The following QRFPR variants were observed in gnomAD, a reference collection of about 807,000 sequenced individuals.
QRFPR encodes the protein pyroglutamylated RFamide peptide receptor.
In QRFPR, 37 loss-of-function variants were observed where a neutral mutation model predicts 31.3. The observed-to-expected ratio is 1.18, with a 90% CI of 0.91 to 1.56. The LOEUF (loss-of-function observed/expected upper bound fraction) is 1.56, where lower values mean the gene tolerates loss of function less well. QRFPR is among the 40% of genes most tolerant of loss of function. The pLI is 0.00. For synonymous variants in QRFPR, 197 were observed against 192.0 expected (o/e 1.03, Z -0.22); for missense variants, 542 against 532.5 (o/e 1.02, Z -0.18).
intron 1 of QRFPR, among the ~76,000 whole-genome samples, chr4:121,361,111 C>G (rs1181147848): frequency 1.5e-5 from 2 of 133,416 alleles, no homozygotes; most frequent in Non-Finnish European, 3.3e-5. Flanking sequence ...GAAAATCCAG[C>G]CACACGCTAC....
chr4:121,376,190 T>C (rs1726349459), intron 1 of QRFPR, among the ~76,000 whole-genome samples: 1 of 152,140 alleles, frequency 6.6e-6, no homozygotes, highest in South Asian at 2.1e-4. Context: ...CTCATAAACA[T>C]GTGCCATTTA....
rs181393360 is a variant in QRFPR, at chr4:121,367,183, C to A, written c.340+13125G>T. Among the ~76,000 whole-genome samples the A allele has an allele frequency of 4.0e-5, 6 of 149,938 alleles. No individual in the cohort carries two copies. In the East Asian group the frequency reaches 1.2e-3, roughly 30 times the overall value. ...GGTTGAGAAAAGTTGTCTTAAATTA[C>A]GAGACAGAGGCAGGGGACAGTGGGA... is the stretch of plus-strand genomic sequence containing the variant. On this transcript the variant is annotated intron_variant, in intron 1 of 5. Transcript: ENST00000394427.
At chr4:121,377,123 T>G (rs1726369945) in intron 1 of QRFPR, among the ~76,000 whole-genome samples, 1 of 152,204 alleles carries the variant, frequency 6.6e-6, no homozygotes, top group Non-Finnish European at 1.5e-5. Flanking sequence ...TTTACCTGAT[T>G]GCATTTTACT....
intron 1 of QRFPR, among the ~76,000 whole-genome samples, chr4:121,355,380 A>G (rs1040639633): frequency 2.0e-5 from 3 of 152,124 alleles, no homozygotes; most frequent in Non-Finnish European, 4.4e-5. Flanking sequence ...ACAGTCTCTA[A>G]TGATCATCTG....
chr4:121,378,607 T>A (rs771018276), intron 1 of QRFPR, among the ~76,000 whole-genome samples: 2 of 151,994 alleles, frequency 1.3e-5, no homozygotes, highest in African/African-American at 4.8e-5. Flanking sequence ...GTATTTTTAG[T>A]AGAGACGGGG....
intron 1 of QRFPR, among the ~76,000 whole-genome samples, chr4:121,376,543 G>T (rs1181108680): frequency 9.4e-4 from 128 of 136,360 alleles, no homozygotes; most frequent in Middle Eastern, 4.0e-3. Context: ...TTCTGGGTTT[G>T]TTTTTTTTTT....
At position 121,330,513 on chromosome 4, in the gene QRFPR, G is replaced by A. The variant is rs753585755; in HGVS notation, c.808C>T (p.Arg270Ter). 9.3e-6 allele frequency: 15 copies of A among 1,613,122 alleles called. No homozygotes were observed. The highest frequency in any genetic ancestry group is 4.0e-5 in the African/African-American group (3 of 74,882). ...EMSKIARKKK[R>*]AVIMMVTVVA... The stretch of plus-strand genomic sequence containing the variant: ...ACTGTCACCATCATAATGACAGCTC[G>A]TTTCTTCTTCCTAAACCCACAAGGA... Residue 270 changes from arginine (R) to a stop codon, truncating the protein, a stop_gained, in exon 5 of 6, where the codon CGA (arginine) becomes TGA (stop). Transcript: ENST00000394427. LOFTEE classifies it high-confidence loss of function.
At chr4:121,359,155 C>A (rs1030062567) in intron 1 of QRFPR, among the ~76,000 whole-genome samples, 8 of 152,030 alleles carry the variant, frequency 5.3e-5, no homozygotes, top group Non-Finnish European at 1.2e-4. Flanking sequence ...TTGGAAGCAC[C>A]AATATGACCT....
chr4:121,380,210 A>AGAGAGAGAGG (rs1726455057), intron 1 of QRFPR, 98 bp downstream of exon 1: 2 of 434,924 alleles, frequency 4.6e-6, no homozygotes, highest in African/African-American at 6.0e-5. Context: ...AGAGAGAGAG[A>AGAGAGAGAGG]GAGAGAGAGA....
Position 121,330,491 on chromosome 4 carries a change from G to C in QRFPR, c.830C>G (p.Thr277Arg), listed in dbSNP as rs772122934. 6.2e-7 allele frequency: 1 copy of C among 1,613,928 alleles called. No individual in the cohort carries two copies. Among genetic ancestry groups the C allele is most frequent in the Middle Eastern group, 1.6e-4 (1 of 6,062 alleles). Reference sequence around the variant, plus strand: ...GCACACAGCAAAGAGAGCCACCACTGTCACCATCATAATGACAGCTCGTTT... The same window carrying C: ...GCACACAGCAAAGAGAGCCACCACTCTCACCATCATAATGACAGCTCGTTT... ...KKKRAVIMMV[T>R]VVALFAVCWA... The change falls in exon 5 of 6, where the codon ACA becomes AGA. Residue 277 changes from threonine to arginine, a missense_variant. By Grantham distance (71) the Thr-to-Arg change is moderately conservative. Coordinates refer to ENST00000394427, the MANE Select transcript of QRFPR (RefSeq NM_198179.3).
At chr4:121,367,422 A>G (rs1726150683) in intron 1 of QRFPR, among the ~76,000 whole-genome samples, 1 of 150,330 alleles carries the variant, frequency 6.7e-6, no homozygotes, top group African/African-American at 2.5e-5. Flanking sequence ...GATTAGTTTG[A>G]ATCCTCATAG....
At chr4:121,350,288 C>A (rs1725738411) in intron 1 of QRFPR, among the ~76,000 whole-genome samples, 1 of 152,168 alleles carries the variant, frequency 6.6e-6, no homozygotes, top group East Asian at 1.9e-4. Context: ...AAGAGTCAGG[C>A]ACTCACAGTC....
At chr4:121,343,894 T>A (rs998917061) in intron 1 of QRFPR, among the ~76,000 whole-genome samples, 1 of 152,242 alleles carries the variant, frequency 6.6e-6, no homozygotes, top group African/African-American at 2.4e-5. Context: ...GATTCATTGA[T>A]ATCAGTATAC....
chr4:121,337,068 T>C (rs759643394), intron 2 of QRFPR, among the ~76,000 whole-genome samples, 200 bp from the exon 3 acceptor site: 1 of 152,250 alleles, frequency 6.6e-6, no homozygotes, highest in Non-Finnish European at 1.5e-5. Context: ...CTAAAACAAG[T>C]TTTAAACATT....
chr4:121,379,816 G>A (rs1333316744), intron 1 of QRFPR, among the ~76,000 whole-genome samples: 1 of 152,200 alleles, frequency 6.6e-6, no homozygotes, highest in Non-Finnish European at 1.5e-5. Flanking sequence ...AAGCAACTGG[G>A]AAGTGAGGCT....
At chr4:121,330,882 A>G (rs1725308518) in intron 4 of QRFPR, among the ~76,000 whole-genome samples, 1 of 152,176 alleles carries the variant, frequency 6.6e-6, no homozygotes, top group Non-Finnish European at 1.5e-5. Context: ...ATGTGAATTT[A>G]GGAAGTCTAA....
intron 3 of QRFPR, 49 bp downstream of exon 3, chr4:121,336,758 G>T: frequency 2.9e-6 from 4 of 1,398,774 alleles, no homozygotes; most frequent in Non-Finnish European, 4.1e-6. Flanking sequence ...ATTAAGAGGG[G>T]TGAGAAAATA....
chr4:121,380,193 G>GAGAA, intron 1 of QRFPR, 115 bp downstream of exon 1: 2 of 188,606 alleles, frequency 1.1e-5, no homozygotes, highest in South Asian at 1.9e-4. Flanking sequence ...AGAGGAGAGA[G>GAGAA]AGAGAGAGAG....
intron 5 of QRFPR, among the ~76,000 whole-genome samples, chr4:121,329,916 C>T (rs536537373): frequency 6.6e-6 from 1 of 152,330 alleles, no homozygotes; most frequent in African/African-American, 2.4e-5. Context: ...TCTAGGTTTA[C>T]ATGCGTAGCC....
Sources: gnomAD v4.1 joint callset for allele counts (sites outside exome capture counted in the v4.1 genomes callset) on GRCh38, gnomAD v4.1.1 for gene constraint, MANE v1.5 for transcripts, NCBI Gene and HGNC (gene_info 2026-07-23, HGNC 2026-07-21) for gene names.